Variants in AFG2A observed in about 807,000 individuals in gnomAD.
AFG2A encodes the protein ATPase family gene 2 protein homolog A.
the AFG2A span, among the ~76,000 whole-genome samples, chr4:123,019,534 A>C: frequency 6.6e-6 from 1 of 152,162 alleles, no homozygotes; most frequent in African/African-American, 2.4e-5. Flanking sequence ...TACTTCTTAT[A>C]TCTGCTATTC....
the AFG2A span, among the ~76,000 whole-genome samples, chr4:122,939,431 C>A: frequency 2.6e-5 from 4 of 152,190 alleles, no homozygotes; most frequent in East Asian, 7.7e-4. Flanking sequence ...ATGGAAGGAA[C>A]ATTCATAGGA....
the AFG2A span, among the ~76,000 whole-genome samples, chr4:123,136,552 T>C: frequency 6.6e-6 from 1 of 151,612 alleles, no homozygotes; most frequent in African/African-American, 2.4e-5. Flanking sequence ...CAGGCGCCTG[T>C]AGTCCCAGCT....
At chr4:123,271,773 C>T in the AFG2A span, among the ~76,000 whole-genome samples, 1 of 152,146 alleles carries the variant, frequency 6.6e-6, no homozygotes, top group African/African-American at 2.4e-5. Context: ...CATTTGAATA[C>T]ATTTAAGTTT....
chr4:122,976,905 T>A, the AFG2A span, among the ~76,000 whole-genome samples: 1 of 152,226 alleles, frequency 6.6e-6, no homozygotes. Flanking sequence ...TTTATGGATG[T>A]TGTTTTGTAA....
At chr4:122,961,766 A>C in the AFG2A span, among the ~76,000 whole-genome samples, 6 of 152,144 alleles carry the variant, frequency 3.9e-5, no homozygotes, top group Non-Finnish European at 8.8e-5. Flanking sequence ...CAGCCTCCCA[A>C]AGTGCTGGGA....
chr4:123,192,368 A>G, the AFG2A span, among the ~76,000 whole-genome samples: 1 of 152,152 alleles, frequency 6.6e-6, no homozygotes, highest in African/African-American at 2.4e-5. Context: ...CTTACCTTTT[A>G]TATTTAGGTC....
the AFG2A span, among the ~76,000 whole-genome samples, chr4:122,988,548 G>A: frequency 1.3e-5 from 2 of 151,642 alleles, no homozygotes; most frequent in Non-Finnish European, 2.9e-5. Context: ...ACAGGCACAC[G>A]CCACCACACC....
the AFG2A span, among the ~76,000 whole-genome samples, chr4:123,198,419 G>A: frequency 2.6e-5 from 4 of 152,274 alleles, no homozygotes; most frequent in Admixed American, 2.6e-4. Context: ...GTATGCATTT[G>A]TCTTACTAAA....
the AFG2A span, among the ~76,000 whole-genome samples, chr4:123,306,168 CTATTT>C: frequency 2.0e-5 from 3 of 152,170 alleles, no homozygotes; most frequent in Non-Finnish European, 4.4e-5. Flanking sequence ...AAACTAATTA[CTATTT>C]TATTCAGTGT....
the AFG2A span, among the ~76,000 whole-genome samples, chr4:123,139,969 A>G: frequency 6.6e-6 from 1 of 152,040 alleles, no homozygotes; most frequent in Non-Finnish European, 1.5e-5. Context: ...CAGGTATTCA[A>G]GCAGCCCTCA....
chr4:123,145,972 T>A, the AFG2A span, among the ~76,000 whole-genome samples: 2 of 152,134 alleles, frequency 1.3e-5, no homozygotes, highest in Admixed American at 6.6e-5. Context: ...TAGAACATAT[T>A]TGTACTTCTA....
the AFG2A span, chr4:123,090,605 A>G: frequency 6.2e-7 from 1 of 1,614,172 alleles, no homozygotes; most frequent in Non-Finnish European, 8.5e-7. Flanking sequence ...AATGTAGCCG[A>G]TCGTGTTTTG....
At chr4:122,980,810 T>C in the AFG2A span, among the ~76,000 whole-genome samples, 10 of 152,206 alleles carry the variant, frequency 6.6e-5, no homozygotes, top group Non-Finnish European at 1.5e-5. Flanking sequence ...CAAATGTTAC[T>C]CAGATCCTTT....
the AFG2A span, among the ~76,000 whole-genome samples, chr4:123,278,924 A>G: frequency 6.6e-6 from 1 of 152,200 alleles, no homozygotes; most frequent in Non-Finnish European, 1.5e-5. Context: ...AGTTATGTTT[A>G]CACATTAGGG....
chr4:123,318,249 T>G, the AFG2A span: 1 of 152,130 alleles, frequency 6.6e-6, no homozygotes, highest in Non-Finnish European at 1.5e-5. Flanking sequence ...AAAGAGGAAT[T>G]TGTTGCTGAA....
At chr4:122,934,859 G>T in the AFG2A span, 1 of 1,272,344 alleles carries the variant, frequency 7.9e-7, no homozygotes, top group Non-Finnish European at 1.1e-6. Context: ...AGTAGGTATG[G>T]TAGAAGATTT....
At chr4:123,095,053 A>ATATG in the AFG2A span, among the ~76,000 whole-genome samples, 13 of 52,442 alleles carry the variant, frequency 2.5e-4, no homozygotes, top group South Asian at 9.6e-4. Context: ...ATATATATAT[A>ATATG]TATATATATA....
At chr4:123,148,843 ACTGCAAC>A in the AFG2A span, among the ~76,000 whole-genome samples, 2 of 148,386 alleles carry the variant, frequency 1.3e-5, no homozygotes, top group Non-Finnish European at 3.0e-5. Flanking sequence ...ATCTTGGCTC[ACTGCAAC>A]CTCTGTCTCC....
chr4:122,965,115 G>T, the AFG2A span, among the ~76,000 whole-genome samples: 2 of 152,258 alleles, frequency 1.3e-5, no homozygotes, highest in East Asian at 3.9e-4. Flanking sequence ...ATGAGATCCA[G>T]ATGTCCAAGT....
Sources: allele counts gnomAD v4.1 joint callset (sites outside exome capture counted in the v4.1 genomes callset), GRCh38; gene constraint gnomAD v4.1.1; transcripts MANE v1.5; gene names NCBI Gene and HGNC (gene_info 2026-07-23, HGNC 2026-07-21).